The following FLG2 variants were observed in gnomAD, a reference collection of about 807,000 sequenced individuals.
FLG2 encodes filaggrin 2, also known as filaggrin-2.
A neutral mutation model predicts 3.9 loss-of-function variants in FLG2; 7 were observed. That is an observed-to-expected ratio of 1.79 (90% CI 1.02 to 3.36). The LOEUF (loss-of-function observed/expected upper bound fraction) is 3.36, where lower values mean the gene tolerates loss of function less well. Among genes scored for constraint, FLG2 ranks in the 30% most tolerant of loss-of-function variants. The pLI is 0.00. For synonymous variants in FLG2, 1,031 were observed against 1,056.1 expected (o/e 0.98, Z 0.46); for missense variants, 2,700 against 2,809.4 (o/e 0.96, Z 0.88).
chr1:152,349,353 G>C lies in FLG2; in HGVS notation c.*1257C>G. The C allele has an allele frequency of 6.6e-6, 1 of 152,162 alleles. No homozygotes were observed. The highest frequency in any genetic ancestry group is 1.5e-5 in the Non-Finnish European group (1 of 68,026). 9.4% of individuals were successfully genotyped at this position (152,162 alleles called of 1,614,324 possible). A position where few individuals can be genotyped will look rare whatever the true frequency, so the allele number is the denominator to read the frequency against. On this transcript the variant is annotated 3_prime_UTR_variant, in exon 3 of 3. Transcript: ENST00000388718. ...GTAGAGACGGGATTTCACTATGTTG[G>C]CCAGGCTGGTCTCGAACTCCTGACT...
In FLG2 at chr1:152,354,479, C is replaced by A; in HGVS notation, c.3307G>T (p.Gly1103Ter). 6.2e-7 allele frequency: 1 copy of A among 1,614,128 alleles called. No homozygotes were observed. Among genetic ancestry groups the A allele is most frequent in the Non-Finnish European group, 8.5e-7 (1 of 1,180,028 alleles). The change falls in exon 3 of 3, where the codon GGA becomes TGA. Residue 1103 changes from glycine (G) to a stop codon, truncating the protein, a stop_gained. Coordinates refer to ENST00000388718, the MANE Select transcript of FLG2 (RefSeq NM_001014342.3). LOFTEE classifies it low-confidence loss of function (END_TRUNC). ...TGACCTGAGCCTGGCCTGTGTTGTC[C>A]AAATCCAGATGTCTGTCCTGAATTT... ...GSNSGQTSGF[G>*]QHRPGSGQSS... is the part of the protein sequence containing the mutation.
Position 152,354,023 on chromosome 1 carries a change from C to CTT in FLG2, c.3761_3762dup (p.Gly1255LysfsTer11), listed in dbSNP as rs1311155940. The CTT allele has an allele frequency of 6.2e-7, 1 of 1,614,060 alleles. No individual in the cohort carries two copies. Among genetic ancestry groups the CTT allele is most frequent in the Non-Finnish European group, 8.5e-7 (1 of 1,180,018 alleles). ...CTGGACCCTGTCTGTGTGGATTGTC[C>CTT]TTGACCAGACTGGCTATGTCTAGTG... On this transcript the variant is annotated frameshift_variant, in exon 3 of 3. Coordinates refer to ENST00000388718, the MANE Select transcript of FLG2 (RefSeq NM_001014342.3). LOFTEE classifies it low-confidence loss of function (END_TRUNC).
rs189954307 is a variant in FLG2, at chr1:152,356,635, C to A, written c.1151G>T (p.Gly384Val). Reference protein sequence around the residue: ...SSQSSCCGQYGSGGSQSCSNG... With the variant: ...SSQSSCCGQYVSGGSQSCSNG... Reference sequence around the variant, plus strand: ...ACTACAAGACTGGCTACCTCCAGACCCATATTGTCCACAGCAAGAGGACTG... The same window carrying A: ...ACTACAAGACTGGCTACCTCCAGACACATATTGTCCACAGCAAGAGGACTG... The change falls in exon 3 of 3, where the codon GGG (glycine) becomes GTG (valine). Residue 384 changes from glycine (G) to valine (V), a missense_variant. By Grantham distance (109) the Gly-to-Val change is moderately radical. Coordinates refer to ENST00000388718, the MANE Select transcript of FLG2 (RefSeq NM_001014342.3). 2 of 1,614,198 alleles carry A rather than the reference C, an allele frequency of 1.2e-6. No homozygotes were observed. Among genetic ancestry groups the A allele is most frequent in the East Asian group, 4.5e-5 (2 of 44,886 alleles).
In FLG2 at chr1:152,355,756, T is replaced by A; in HGVS notation, c.2030A>T (p.Gln677Leu). The change falls in exon 3 of 3, where the codon CAA (glutamine) becomes CTA (leucine). Residue 677 changes from glutamine (Q) to leucine (L), a missense_variant. Gln to Leu is a moderately radical substitution (Grantham distance 113). Transcript: ENST00000388718. ...GFGQHVSGSG[Q>L]SSGFGQHESR... is the part of the protein sequence containing the mutation. ...CTCATGTTGTCCAAAACCAGAGGAT[T>A]GTCCTGAGCCAGAAACATGTTGTCC... The A allele has an allele frequency of 6.2e-7, 1 of 1,613,810 alleles. No homozygotes were observed. The highest frequency in any genetic ancestry group is 8.5e-7 in the Non-Finnish European group (1 of 1,179,994).
In FLG2 at chr1:152,352,647, G is replaced by A; in HGVS notation, c.5139C>T (p.Thr1713=). 1.2e-6 allele frequency: 2 copies of A among 1,613,824 alleles called. No individual in the cohort carries two copies. The highest frequency in any genetic ancestry group is 1.3e-5 in the African/African-American group (1 of 74,936). The change falls in exon 3 of 3, where the codon ACC becomes ACT. Residue 1713 remains threonine, a synonymous_variant. Transcript: ENST00000388718. The part of the protein sequence containing the change: ...TRHAHYHHGL[T]TQTGSRTTGR... ...CAGTAGTCCTGGACCCTGTCTGTGT[G>A]GTTAATCCATGATGATAGTGGGCAT...
intron 1 of FLG2, among the ~76,000 whole-genome samples, chr1:152,359,630 C>G (rs1319582958): frequency 6.6e-6 from 1 of 152,126 alleles, no homozygotes; most frequent in Non-Finnish European, 1.5e-5. Context: ...GCAACAGACC[C>G]AGCTGCCTCC....
rs750215534 is a variant in FLG2, at chr1:152,356,509, G to T, written c.1277C>A (p.Ser426Tyr). 3 of 1,614,134 alleles carry T rather than the reference G, an allele frequency of 1.9e-6. No individual in the cohort carries two copies. The highest frequency in any genetic ancestry group is 2.5e-6 in the Non-Finnish European group (3 of 1,180,062). ...TGTTCCATGTTGTTCAAAGCTAGTA[G>T]ACTGACTTGAACCAGACCCATATTG... The part of the protein sequence containing the change: ...CDQYGSGSSQ[S>Y]TSFEQHGTGL... The change falls in exon 3 of 3, where the codon TCT (serine) becomes TAT (tyrosine). Residue 426 changes from serine to tyrosine, a missense_variant. Coordinates refer to ENST00000388718, the MANE Select transcript of FLG2 (RefSeq NM_001014342.3).
Position 152,348,938 on chromosome 1 carries a change from G to A in FLG2, c.*1672C>T, listed in dbSNP as rs897850510. The stretch of plus-strand genomic sequence containing the variant: ...GATGGGATGTGTTATAATGTTTCTA[G>A]AGACGTTTTGGCTCCTAAACCACGT... On this transcript the variant is annotated 3_prime_UTR_variant, in exon 3 of 3. Transcript: ENST00000388718. 1.3e-5 allele frequency: 2 copies of A among 152,124 alleles called. No homozygotes were observed. Among genetic ancestry groups the A allele is most frequent in the African/African-American group, 4.8e-5 (2 of 41,434 alleles). 9.4% of individuals were successfully genotyped at this position (152,124 alleles called of 1,614,324 possible).
At position 152,350,287 on chromosome 1, in the gene FLG2, A is replaced by T; in HGVS notation, c.*323T>A. The T allele has an allele frequency of 3.3e-6, 1 of 305,878 alleles. No individual in the cohort carries two copies. The highest frequency in any genetic ancestry group is 6.8e-5 in the East Asian group (1 of 14,674). 18.9% of individuals were successfully genotyped at this position (305,878 alleles called of 1,614,324 possible). A position where few individuals can be genotyped will look rare whatever the true frequency, so the allele number is the denominator to read the frequency against. On this transcript the variant is annotated 3_prime_UTR_variant, in exon 3 of 3. Transcript: ENST00000388718. The stretch of plus-strand genomic sequence containing the variant: ...ATCAGTATGGGATTCCTGTTTTCTG[A>T]TTGAACTAGATTTTGAATGGCCATG...
chr1:152,350,346 GTGGTCA>G lies in FLG2; in HGVS notation c.*258_*263del. 2.0e-6 allele frequency: 1 copy of G among 492,810 alleles called. No homozygotes were observed. Among genetic ancestry groups the G allele is most frequent in the Non-Finnish European group, 3.6e-6 (1 of 277,306 alleles). 30.5% of individuals were successfully genotyped at this position (492,810 alleles called of 1,614,324 possible). Reference sequence around the variant, plus strand: ...TGGATTGTCCATGGCCAAATCCAAGGTGGTCATTTGACTGGCTATGTGTACATCCCT... The same window carrying G: ...TGGATTGTCCATGGCCAAATCCAAGGTTTGACTGGCTATGTGTACATCCCT... On this transcript the variant is annotated 3_prime_UTR_variant, in exon 3 of 3. Transcript: ENST00000388718.
chr1:152,351,766 T>C lies in FLG2; in HGVS notation c.6020A>G (p.His2007Arg), dbSNP rs762900875. 1.1e-5 allele frequency: 18 copies of C among 1,611,874 alleles called. No homozygotes were observed. Among genetic ancestry groups the C allele is most frequent in the South Asian group, 3.3e-5 (3 of 90,986 alleles). The change falls in exon 3 of 3, where the codon CAT (histidine) becomes CGT (arginine). Residue 2007 changes from histidine to arginine, a missense_variant. Physicochemically the swap from His to Arg is conservative, Grantham distance 29. Coordinates refer to ENST00000388718, the MANE Select transcript of FLG2 (RefSeq NM_001014342.3). ...GGACTGTCCATGACCAGAGTGGCCA[T>C]GTCTAGTGGTATCTGCTGTTTGTCC... ...THGQTADTTR[H>R]GHSGHGQSTQ...
Position 152,358,755 on chromosome 1 carries a change from C to A in FLG2, c.130G>T (p.Val44Phe), listed in dbSNP as rs779473754. 4 of 1,613,156 alleles carry A rather than the reference C, an allele frequency of 2.5e-6. No homozygotes were observed. The highest frequency in any genetic ancestry group is 4.5e-5 in the East Asian group (2 of 44,844). Residue 44 changes from valine (V) to phenylalanine (F), a missense_variant, in exon 2 of 3, where the codon GTT (valine) becomes TTT (phenylalanine). Coordinates refer to ENST00000388718, the MANE Select transcript of FLG2 (RefSeq NM_001014342.3). ...TGGCACATGGCTCTCACCTTCAGAACTGGATGAAGCTCTTTCTCCAGAAGT... is the reference window on the plus strand; with the variant it reads ...TGGCACATGGCTCTCACCTTCAGAAATGGATGAAGCTCTTTCTCCAGAAGT... ...KELLEKELHPVLKNPDDPDTV... is the reference protein window; with the variant it reads ...KELLEKELHPFLKNPDDPDTV...
Position 152,357,536 on chromosome 1 carries a change from C to A in FLG2, c.250G>T (p.Ala84Ser). The change falls in exon 3 of 3, where the codon GCC becomes TCC. Residue 84 changes from alanine (A) to serine (S), a missense_variant. Transcript: ENST00000388718. ...FLLMIFKLTM[A>S]CNKVLSKEYC... Reference sequence around the variant, plus strand: ...TCTTTGCTGAGGACCTTGTTGCAGGCCATAGTCAGCTTGAATATCATCAAA... The same window carrying A: ...TCTTTGCTGAGGACCTTGTTGCAGGACATAGTCAGCTTGAATATCATCAAA... 1 of 1,613,998 alleles carries A rather than the reference C, an allele frequency of 6.2e-7. No individual in the cohort carries two copies. The highest frequency in any genetic ancestry group is 2.2e-5 in the East Asian group (1 of 44,876).
In FLG2 at chr1:152,352,390, C is replaced by T. The variant is rs761214920; in HGVS notation, c.5396G>A (p.Arg1799Lys). 96 of 1,613,284 alleles carry T rather than the reference C, an allele frequency of 6.0e-5. No individual in the cohort carries two copies. Among genetic ancestry groups the T allele is most frequent in the Non-Finnish European group, 7.6e-5 (90 of 1,179,806 alleles). The stretch of plus-strand genomic sequence containing the variant: ...ACTGTACTCACTGTGGCCAGATGAC[C>T]TTCTTCCAGTGGTCCTGGACCCTGT... ...TQTGSRTTGR[R>K]SSGHSEYSDS... Residue 1799 changes from arginine to lysine, a missense_variant, in exon 3 of 3, where the codon AGG (arginine) becomes AAG (lysine). Physicochemically the swap from Arg to Lys is conservative, Grantham distance 26. Coordinates refer to ENST00000388718, the MANE Select transcript of FLG2 (RefSeq NM_001014342.3).
Position 152,354,733 on chromosome 1 carries a change from C to G in FLG2, c.3053G>C (p.Ser1018Thr). The G allele has an allele frequency of 6.2e-7, 1 of 1,611,780 alleles. No homozygotes were observed. The highest frequency in any genetic ancestry group is 8.5e-7 in the Non-Finnish European group (1 of 1,179,392). The stretch of plus-strand genomic sequence containing the variant: ...TCCAAAGCCAGTTGTCTGTCCTGAA[C>G]TAGACCCATGTTGACCATAGCCAGA... ...QSSGYGQHGS[S>T]SGQTTGFGQH... Residue 1018 changes from serine (S) to threonine (T), a missense_variant, in exon 3 of 3, where the codon AGT becomes ACT. Ser to Thr is a moderately conservative substitution (Grantham distance 58). Coordinates refer to ENST00000388718, the MANE Select transcript of FLG2 (RefSeq NM_001014342.3).
Position 152,355,907 on chromosome 1 carries a change from G to C in FLG2, c.1879C>G (p.Gln627Glu). ...SYGQHSSGSS[Q>E]SSGYGQHGSR... ...CCATGTTGGCCATAGCCAGATGACT[G>C]ACTTGAGCCAGAACTGTGTTGGCCA... The change falls in exon 3 of 3, where the codon CAG (glutamine) becomes GAG (glutamate). Residue 627 changes from glutamine to glutamate, a missense_variant. Gln to Glu is a conservative substitution (Grantham distance 29). Coordinates refer to ENST00000388718, the MANE Select transcript of FLG2 (RefSeq NM_001014342.3). 6.2e-7 allele frequency: 1 copy of C among 1,606,482 alleles called. No individual in the cohort carries two copies. The highest frequency in any genetic ancestry group is 1.4e-5 in the African/African-American group (1 of 72,804).
Position 152,349,109 on chromosome 1 carries a change from CCCA to C in FLG2, c.*1498_*1500del, listed in dbSNP as rs1367508739. 3 of 151,756 alleles carry C rather than the reference CCCA, an allele frequency of 2.0e-5. No individual in the cohort carries two copies. Among genetic ancestry groups the C allele is most frequent in the Non-Finnish European group, 4.4e-5 (3 of 67,932 alleles). 9.4% of individuals were successfully genotyped at this position (151,756 alleles called of 1,614,324 possible). ...TTTATTATATAGTTCTGAATATAGC[CCCA>C]AATGGTGTTTATCTTTTTCTTCCAT... On this transcript the variant is annotated 3_prime_UTR_variant, in exon 3 of 3. Transcript: ENST00000388718.
Position 152,354,616 on chromosome 1 carries a change from C to T in FLG2, c.3170G>A (p.Gly1057Asp). The stretch of plus-strand genomic sequence containing the variant: ...TCCAAAACCAGAGGATTGTCCTGAA[C>T]CAGTCCCATGTTGTCCAAAGCCAGA... The part of the protein sequence containing the change: ...QSSGFGQHGT[G>D]SGQSSGFGQY... The change falls in exon 3 of 3, where the codon GGT (glycine) becomes GAT (aspartate). Residue 1057 changes from glycine to aspartate, a missense_variant. Physicochemically the swap from Gly to Asp is moderately conservative, Grantham distance 94. Coordinates refer to ENST00000388718, the MANE Select transcript of FLG2 (RefSeq NM_001014342.3). 6.2e-7 allele frequency: 1 copy of T among 1,613,746 alleles called. No individual in the cohort carries two copies. Among genetic ancestry groups the T allele is most frequent in the Non-Finnish European group, 8.5e-7 (1 of 1,179,980 alleles).
Position 152,353,595 on chromosome 1 carries a change from C to G in FLG2, c.4191G>C (p.Glu1397Asp). The change falls in exon 3 of 3, where the codon GAG (glutamate) becomes GAC (aspartate). Residue 1397 changes from glutamate (E) to aspartate (D), a missense_variant. Physicochemically the swap from Glu to Asp is conservative, Grantham distance 45. Transcript: ENST00000388718. Reference protein sequence around the residue: ...RHETTYGQTGEATGHGHSGHG... With the variant: ...RHETTYGQTGDATGHGHSGHG... Reference sequence around the variant, plus strand: ...GACCAGAGTGGCCATGTCCAGTGGCCTCTCCTGTCTGTCCATAAGTAGTTT... The same window carrying G: ...GACCAGAGTGGCCATGTCCAGTGGCGTCTCCTGTCTGTCCATAAGTAGTTT... 6.2e-7 allele frequency: 1 copy of G among 1,608,852 alleles called. No individual in the cohort carries two copies. The highest frequency in any genetic ancestry group is 8.5e-7 in the Non-Finnish European group (1 of 1,178,390).
Sources: gnomAD v4.1 joint callset for allele counts (sites outside exome capture counted in the v4.1 genomes callset) on GRCh38, gnomAD v4.1.1 for gene constraint, MANE v1.5 for transcripts, NCBI Gene and HGNC (gene_info 2026-07-23, HGNC 2026-07-21) for gene names.